TNRC6B: variants seen among roughly 807,000 people sequenced by gnomAD.
The protein encoded by TNRC6B is trinucleotide repeat-containing gene 6B protein.
TNRC6B carries 52 observed loss-of-function variants against 203.6 expected under a neutral mutation model. The ratio of observed to expected loss-of-function variants is 0.26; its 90% CI spans 0.20 to 0.32. TNRC6B has a LOEUF of 0.32. Ranked by LOEUF, TNRC6B falls within the 10% of genes least tolerant of loss-of-function variation. The pLI is 1.00. For missense variants in TNRC6B, 1,923 were observed against 2,286.2 expected (o/e 0.84, Z 3.24); for synonymous variants, 838 against 845.7 (o/e 0.99, Z 0.16).
intron 3 of TNRC6B, among the ~76,000 whole-genome samples, chr22:40,147,567 C>G (rs1049547023): frequency 1.5e-4 from 23 of 152,178 alleles, no homozygotes; most frequent in African/African-American, 5.3e-4. Flanking sequence ...ACTGCGTCCC[C>G]ACGTGGCAAA....
intron 3 of TNRC6B, among the ~76,000 whole-genome samples, chr22:40,257,400 A>G (rs1490072001): frequency 6.6e-6 from 1 of 152,180 alleles, no homozygotes; most frequent in African/African-American, 2.4e-5. Context: ...CAATTATTAG[A>G]GCACGTAAAT....
At chr22:40,285,157 A>C (rs1207107125) in intron 11 of TNRC6B, among the ~76,000 whole-genome samples, 1 of 152,182 alleles carries the variant, frequency 6.6e-6, no homozygotes, top group Non-Finnish European at 1.5e-5. Flanking sequence ...GATTGAGCAG[A>C]TCCAGGACAA....
chr22:40,279,936 T>C, intron 9 of TNRC6B, 59 bp from the exon 10 acceptor site: 1 of 1,555,262 alleles, frequency 6.4e-7, no homozygotes, highest in Non-Finnish European at 8.9e-7. Context: ...AGGTCACTCT[T>C]GGTTCATGGG....
chr22:40,267,185 G>C, intron 5 of TNRC6B, 149 bp downstream of exon 5: 1 of 804,976 alleles, frequency 1.2e-6, no homozygotes, highest in Non-Finnish European at 1.8e-6. Flanking sequence ...CTCTTTTTAT[G>C]AAATGCTAGT....
chr22:40,178,128 T>G lies in TNRC6B; in HGVS notation c.-8T>G, dbSNP rs753150716. The G allele has an allele frequency of 6.2e-7, 1 of 1,613,732 alleles. No homozygotes were observed. The highest frequency in any genetic ancestry group is 1.1e-5 in the South Asian group (1 of 91,004). The stretch of plus-strand genomic sequence containing the variant: ...TCAATTTGCTGGATTTAAGCACTGC[T>G]GCACTTTATGAGGTTGGTAAATATT... On this transcript the variant is annotated 5_prime_UTR_variant, in exon 1 of 23. Coordinates refer to ENST00000454349, the MANE Select transcript of TNRC6B (RefSeq NM_001162501.2).
chr22:40,154,269 C>T (rs1401085829), intron 3 of TNRC6B, among the ~76,000 whole-genome samples: 1 of 151,828 alleles, frequency 6.6e-6, no homozygotes, highest in Non-Finnish European at 1.5e-5. Context: ...CGAGACCATC[C>T]TGGCCAACAT....
In TNRC6B at chr22:40,108,125, C is replaced by T. The variant is rs920283533; in HGVS notation, c.-120-8930C>T. On this transcript the variant is annotated intron_variant, in intron 1 of 23. Coordinates refer to the TNRC6B transcript ENST00000301923. ...GAGATGATTTTGCAGTTAGTAAACA[C>T]AGCCCTGGGAAGCCATGGCAAGGCA... is the stretch of plus-strand genomic sequence containing the variant. Among the ~76,000 whole-genome samples, 5 of 152,134 alleles carry T rather than the reference C, an allele frequency of 3.3e-5. No homozygotes were observed. The South Asian group carries it at 1.0e-3, about 31-fold the overall frequency.
intron 1 of TNRC6B, among the ~76,000 whole-genome samples, chr22:40,203,907 A>G (rs1293142676): frequency 1.3e-5 from 2 of 152,160 alleles, no homozygotes; most frequent in Admixed American, 6.5e-5. Flanking sequence ...TTGTTCTTTT[A>G]TTGCCCTTTA....
intron 1 of TNRC6B, among the ~76,000 whole-genome samples, chr22:40,207,722 G>T (rs1288808283): frequency 6.6e-6 from 1 of 151,910 alleles, no homozygotes; most frequent in Non-Finnish European, 1.5e-5. Context: ...TAAATGTGGA[G>T]GGGGAAATAC....
intron 10 of TNRC6B, among the ~76,000 whole-genome samples, chr22:40,280,742 G>T (rs147376366): frequency 1.3e-5 from 2 of 152,172 alleles, no homozygotes; most frequent in Non-Finnish European, 2.9e-5. Context: ...AATCTGGCAC[G>T]TTTTGACACT....
intron 15 of TNRC6B, among the ~76,000 whole-genome samples, chr22:40,307,330 G>A (rs1309871213): frequency 1.3e-5 from 2 of 152,016 alleles, no homozygotes; most frequent in Non-Finnish European, 2.9e-5. Context: ...CACATCTTGG[G>A]GCAGAGAAGC....
At position 40,300,972 on chromosome 22, in the gene TNRC6B, T is replaced by G; in HGVS notation, c.3903T>G (p.Ile1301Met). 1 of 1,613,698 alleles carries G rather than the reference T, an allele frequency of 6.2e-7. No individual in the cohort carries two copies. The highest frequency in any genetic ancestry group is 8.5e-7 in the Non-Finnish European group (1 of 1,179,802). The change falls in exon 14 of 23, where the codon ATT (isoleucine) becomes ATG (methionine). Residue 1301 changes from isoleucine (I) to methionine (M), a missense_variant. By Grantham distance (10) the Ile-to-Met change is conservative. Coordinates refer to ENST00000454349, the MANE Select transcript of TNRC6B (RefSeq NM_001162501.2). ...AGTTGTTACAGAACCAGAGAAAGATTTCTCAAGCTGTACGCCAACAGCAAG... is the reference window on the plus strand; with the variant it reads ...AGTTGTTACAGAACCAGAGAAAGATGTCTCAAGCTGTACGCCAACAGCAAG... ...QQQLLQNQRK[I>M]SQAVRQQQEQ...
intron 1 of TNRC6B, among the ~76,000 whole-genome samples, chr22:40,102,284 G>T (rs957085119): frequency 6.6e-6 from 1 of 152,174 alleles, no homozygotes; most frequent in Non-Finnish European, 1.5e-5. Flanking sequence ...CAAAGTGTGT[G>T]TTTGTACAGG....
intron 4 of TNRC6B, among the ~76,000 whole-genome samples, chr22:40,172,320 A>G (rs1209606345): frequency 6.6e-6 from 1 of 152,236 alleles, no homozygotes; most frequent in Non-Finnish European, 1.5e-5. Context: ...TCCTTCTCCT[A>G]TGAGGATGTC....
chr22:40,248,873 A>G (rs749957983), intron 2 of TNRC6B, among the ~76,000 whole-genome samples: 4 of 152,192 alleles, frequency 2.6e-5, no homozygotes, highest in East Asian at 3.8e-4. Flanking sequence ...TTGTTTTATT[A>G]TACTGAACCA....
intron 1 of TNRC6B, among the ~76,000 whole-genome samples, chr22:40,218,886 G>T (rs923608455): frequency 6.6e-6 from 1 of 152,246 alleles, no homozygotes; most frequent in African/African-American, 2.4e-5. Flanking sequence ...AGCCAAGAAT[G>T]TTGGCTTGAT....
intron 12 of TNRC6B, among the ~76,000 whole-genome samples, chr22:40,295,881 T>G (rs1198688838): frequency 3.3e-5 from 5 of 152,122 alleles, no homozygotes; most frequent in Non-Finnish European, 7.4e-5. Flanking sequence ...TTTTTTATAT[T>G]AAGAAGAAGG....
intron 12 of TNRC6B, among the ~76,000 whole-genome samples, chr22:40,294,879 A>G (rs1395080435): frequency 1.3e-5 from 2 of 152,218 alleles, no homozygotes; most frequent in African/African-American, 4.8e-5. Context: ...TGCTCGCCCT[A>G]AAACTGGTGC....
In TNRC6B at chr22:40,335,387, TAAACTC is replaced by T. The variant is rs1256311455; in HGVS notation, c.*12147_*12152del. 6.6e-6 allele frequency: 1 copy of T among 151,410 alleles called. No homozygotes were observed. The highest frequency in any genetic ancestry group is 1.5e-5 in the Non-Finnish European group (1 of 67,844). The allele number at this position is 151,410 out of a possible 1,614,324, so 9.4% of individuals were successfully genotyped here. On this transcript the variant is annotated 3_prime_UTR_variant, in exon 23 of 23. Transcript: ENST00000454349. ...CTTAAAAAAACAAACAATAAAATGT[TAAACTC>T]TACTAATGTACAAATAAGCTGAAAA...
Sources: allele counts gnomAD v4.1 joint callset (sites outside exome capture counted in the v4.1 genomes callset), GRCh38; gene constraint gnomAD v4.1.1; transcripts MANE v1.5; gene names NCBI Gene and HGNC (gene_info 2026-07-23, HGNC 2026-07-21).